Variants in PLB1 observed in about 807,000 individuals in gnomAD.
PLB1 encodes phospholipase B1, membrane-associated.
In PLB1, 242 loss-of-function variants were observed where a neutral mutation model predicts 227.4. The observed-to-expected ratio is 1.06, with a 90% CI of 0.96 to 1.18. PLB1 has a LOEUF of 1.18. Ranked by LOEUF, PLB1 falls within the 50% of genes most tolerant of loss-of-function variation. The pLI is 0.00. For missense variants in PLB1, 1,858 were observed against 1,816.3 expected (o/e 1.02, Z -0.42); for synonymous variants, 757 against 682.2 (o/e 1.11, Z -1.71).
intron 20 of PLB1, among the ~76,000 whole-genome samples, chr2:28,567,887 C>T (rs1005969520): frequency 6.6e-6 from 1 of 151,986 alleles, no homozygotes; most frequent in African/African-American, 2.4e-5. Flanking sequence ...TGAATTCTTC[C>T]CCTGGAATCT....
intron 13 of PLB1, 94 bp downstream of exon 13, chr2:28,541,905 G>T: frequency 2.0e-6 from 2 of 995,558 alleles, no homozygotes; most frequent in South Asian, 1.4e-5. Context: ...GGCCGAGGTG[G>T]GTGGATTACT....
chr2:28,517,866 TTC>T (rs1350084913), intron 2 of PLB1, among the ~76,000 whole-genome samples: 1 of 147,358 alleles, frequency 6.8e-6, no homozygotes, highest in Non-Finnish European at 1.5e-5. Context: ...TTCTAGAACT[TTC>T]TCTTTTTTTT....
At chr2:28,579,809 A>G in intron 23 of PLB1, 102 bp downstream of exon 23, 6 of 985,216 alleles carry the variant, frequency 6.1e-6, no homozygotes, top group Non-Finnish European at 9.7e-6. Flanking sequence ...GTTGGGACTC[A>G]GGCTCATGGT....
chr2:28,573,216 C>T lies in PLB1; in HGVS notation c.1344C>T (p.Asn448=). The change falls in exon 21 of 58, where the codon AAC becomes AAT. Residue 448 remains asparagine, a synonymous_variant. Coordinates refer to ENST00000327757, the MANE Select transcript of PLB1 (RefSeq NM_153021.5). ...TTGCAGACATCCTCCGGGAATTCAA[C>T]CCTTCCCTGAAGGGCTTCTCTGTTG... ...TTLANILREF[N]PSLKGFSVGT... 1.2e-6 allele frequency: 2 copies of T among 1,613,866 alleles called. No individual in the cohort carries two copies. The highest frequency in any genetic ancestry group is 8.5e-7 in the Non-Finnish European group (1 of 1,179,768).
At chr2:28,554,187 A>G (rs1674662540) in intron 17 of PLB1, among the ~76,000 whole-genome samples, 1 of 152,194 alleles carries the variant, frequency 6.6e-6, no homozygotes, top group South Asian at 2.1e-4. Context: ...ATTAGCAGAA[A>G]TAAATCATCA....
chr2:28,639,927 C>T (rs954585697), intron 56 of PLB1, among the ~76,000 whole-genome samples: 1 of 152,196 alleles, frequency 6.6e-6, no homozygotes, highest in East Asian at 1.9e-4. Context: ...CAGCACTGCA[C>T]AGCTCGTTAC....
intron 17 of PLB1, among the ~76,000 whole-genome samples, chr2:28,556,527 C>T (rs547452981): frequency 7.2e-5 from 11 of 152,320 alleles, no homozygotes; most frequent in Non-Finnish European, 1.3e-4. Flanking sequence ...GACTTTATAA[C>T]TTTGTAAACA....
At chr2:28,628,355 G>A (rs1688101805) in intron 51 of PLB1, among the ~76,000 whole-genome samples, 1 of 152,146 alleles carries the variant, frequency 6.6e-6, no homozygotes, top group South Asian at 2.1e-4. Context: ...GGTTGGGATT[G>A]TTCATGGTGT....
At chr2:28,601,725 A>T (rs934186868) in intron 37 of PLB1, among the ~76,000 whole-genome samples, 174 bp from the exon 38 acceptor site, 1 of 152,196 alleles carries the variant, frequency 6.6e-6, no homozygotes, top group Non-Finnish European at 1.5e-5. Flanking sequence ...CATCTTTGAC[A>T]ACAGCAAGTA....
intron 4 of PLB1, among the ~76,000 whole-genome samples, chr2:28,524,165 C>T (rs1178401593): frequency 1.3e-5 from 2 of 152,162 alleles, no homozygotes; most frequent in Non-Finnish European, 2.9e-5. Context: ...GGAAGTGGTG[C>T]AGGCTGGAGT....
At position 28,565,352 on chromosome 2, in the gene PLB1, A is replaced by T. The variant is rs780587584; in HGVS notation, c.1279A>T (p.Ser427Cys). The T allele has an allele frequency of 5.6e-6, 9 of 1,604,842 alleles. No homozygotes were observed. In the South Asian group the frequency reaches 9.0e-5, roughly 16 times the overall value. Reference sequence around the variant, plus strand: ...GACTCAGTACCGAGGCCTGTCCTGGAGGTGAGTGAGGGTGTGGCAAGGCCC... The same window carrying T: ...GACTCAGTACCGAGGCCTGTCCTGGTGGTGAGTGAGGGTGTGGCAAGGCCC... ...VLTQYRGLSW[S>C]VGGDENIGTV... is the part of the protein sequence containing the mutation. Residue 427 changes from serine (S) to cysteine (C), a missense_variant and splice_region_variant, in exon 19 of 58, where the codon AGC (serine) becomes TGC (cysteine). Transcript: ENST00000327757.
At chr2:28,572,771 TG>T (rs1678226292) in intron 20 of PLB1, among the ~76,000 whole-genome samples, 1 of 152,152 alleles carries the variant, frequency 6.6e-6, no homozygotes, top group Non-Finnish European at 1.5e-5. Context: ...TGACTGCTAG[TG>T]GGTACTAGGT....
At chr2:28,635,531 C>A (rs1358247659) in intron 56 of PLB1, among the ~76,000 whole-genome samples, 2 of 132,888 alleles carry the variant, frequency 1.5e-5, no homozygotes, top group African/African-American at 5.0e-5. Flanking sequence ...CTGATAAGCA[C>A]ATATATACCC....
rs1423867278 is a variant in PLB1, at chr2:28,539,196, A to G, written c.698+18A>G. 3 of 1,599,142 alleles carry G rather than the reference A, an allele frequency of 1.9e-6. No homozygotes were observed. The highest frequency in any genetic ancestry group is 2.2e-5 in the South Asian group (2 of 90,776). The stretch of plus-strand genomic sequence containing the variant: ...TGGCTCAGGTAAAAGGGGAAGTGGA[A>G]TGAGACACGCATCTGTGACACGGCT... On this transcript the variant is annotated intron_variant, in intron 11 of 57. Transcript: ENST00000327757.
chr2:28,574,549 ATTTTTTTTTT>A (rs55675067), intron 21 of PLB1, among the ~76,000 whole-genome samples: 62,558 of 129,784 alleles, frequency 0.48, 17,493 homozygotes, highest in Middle Eastern at 0.64. Context: ...TTCCCGGCTA[ATTTTTTTTTT>A]TTTTTTTTTT....
intron 32 of PLB1, 101 bp from the exon 33 acceptor site, chr2:28,593,580 C>A (rs958648467): frequency 2.1e-6 from 2 of 932,202 alleles, no homozygotes; most frequent in East Asian, 2.6e-5. Context: ...CCTGCCACCA[C>A]GAGTGCATTG....
At chr2:28,531,473 G>A (rs964174059) in intron 8 of PLB1, among the ~76,000 whole-genome samples, 5 of 151,924 alleles carry the variant, frequency 3.3e-5, no homozygotes, top group African/African-American at 9.7e-5. Flanking sequence ...CACCATGCCC[G>A]GCTAATTTTG....
chr2:28,500,606 A>G (rs1467660884), intron 1 of PLB1, among the ~76,000 whole-genome samples: 1 of 152,010 alleles, frequency 6.6e-6, no homozygotes, highest in East Asian at 1.9e-4. Flanking sequence ...CCCCACTTAA[A>G]TAAATATTTA....
intron 50 of PLB1, 132 bp downstream of exon 50, chr2:28,625,240 C>G: frequency 1.2e-6 from 1 of 823,888 alleles, no homozygotes. Context: ...CTCGGAGAAG[C>G]AGTCCTTACC....
Sources: allele counts gnomAD v4.1 joint callset (sites outside exome capture counted in the v4.1 genomes callset), GRCh38; gene constraint gnomAD v4.1.1; transcripts MANE v1.5; gene names NCBI Gene and HGNC (gene_info 2026-07-23, HGNC 2026-07-21).